CWF19L2: variants seen among roughly 807,000 people sequenced by gnomAD.
The protein encoded by CWF19L2 is CWF19 like cell cycle control factor 2.
Under a neutral mutation model 111.7 loss-of-function variants are expected in CWF19L2, and 98 were observed. That is an observed-to-expected ratio of 0.88 (90% CI 0.75 to 1.04). CWF19L2 has a LOEUF of 1.04. CWF19L2 is among the 50% of genes least tolerant of loss of function. The pLI, the probability that CWF19L2 is intolerant of heterozygous loss-of-function variation, is 0.00. For missense variants in CWF19L2, 1,101 were observed against 1,051.4 expected (o/e 1.05, Z -0.65); for synonymous variants, 351 against 342.9 (o/e 1.02, Z -0.26).
chr11:107,349,131 C>G (rs971317786), intron 13 of CWF19L2, 78 bp from the exon 14 acceptor site: 12 of 633,230 alleles, frequency 1.9e-5, no homozygotes, highest in Non-Finnish European at 2.8e-5. Context: ...GCTATTTATT[C>G]TCAGTTGTAA....
chr11:107,405,638 G>C (rs1861065771), intron 10 of CWF19L2, among the ~76,000 whole-genome samples: 1 of 152,086 alleles, frequency 6.6e-6, no homozygotes, highest in Non-Finnish European at 1.5e-5. Context: ...TTTAGACATT[G>C]ACCTCGAGAA....
intron 4 of CWF19L2, among the ~76,000 whole-genome samples, chr11:107,442,012 A>G (rs1861625247): frequency 6.6e-6 from 1 of 152,186 alleles, no homozygotes; most frequent in South Asian, 2.1e-4. Flanking sequence ...AAAATTTTTG[A>G]ACTATTCAAC....
intron 10 of CWF19L2, among the ~76,000 whole-genome samples, chr11:107,403,231 T>C (rs189105943): frequency 1.3e-5 from 2 of 151,388 alleles, no homozygotes; most frequent in African/African-American, 4.9e-5. Context: ...CAAATACCAC[T>C]GGTATAAAAA....
At chr11:107,448,070 G>A (rs1231628836) in intron 3 of CWF19L2, among the ~76,000 whole-genome samples, 1 of 152,082 alleles carries the variant, frequency 6.6e-6, no homozygotes, top group Non-Finnish European at 1.5e-5. Flanking sequence ...AGTCGGCCAG[G>A]CGCAGTGGCT....
intron 10 of CWF19L2, among the ~76,000 whole-genome samples, chr11:107,410,281 C>CA (rs1861138108): frequency 6.6e-6 from 1 of 150,564 alleles, no homozygotes; most frequent in African/African-American, 2.5e-5. Flanking sequence ...ACTCTGATTT[C>CA]TAAAAAAAAA....
At chr11:107,445,363 T>C (rs577935728) in intron 3 of CWF19L2, among the ~76,000 whole-genome samples, 1 of 152,214 alleles carries the variant, frequency 6.6e-6, no homozygotes, top group African/African-American at 2.4e-5. Flanking sequence ...CCCAACACTT[T>C]GGGAGGCCGA....
chr11:107,375,368 G>C lies in CWF19L2; in HGVS notation c.1872+14706C>G, dbSNP rs1310022289. Among the ~76,000 whole-genome samples, 214 of 134,590 alleles carry C rather than the reference G, an allele frequency of 1.6e-3. 11 individuals carry two copies. Among genetic ancestry groups the C allele is most frequent in the African/African-American group, 6.1e-3 (198 of 32,692 alleles). 88.3% of individuals were successfully genotyped at this position (134,590 alleles called of 152,430 possible). On this transcript the variant is annotated intron_variant, in intron 12 of 17. Coordinates refer to ENST00000282251, the MANE Select transcript of CWF19L2 (RefSeq NM_152434.3). Reference sequence around the variant, plus strand: ...TATTCCAAAATTGACCACATACTTGGAAGTAAAGCTCTCCTCAGCAAATGT... The same window carrying C: ...TATTCCAAAATTGACCACATACTTGCAAGTAAAGCTCTCCTCAGCAAATGT...
At chr11:107,338,900 A>T (rs1859966005) in intron 14 of CWF19L2, among the ~76,000 whole-genome samples, 1 of 152,160 alleles carries the variant, frequency 6.6e-6, no homozygotes, top group South Asian at 2.1e-4. Flanking sequence ...TATCTTTATA[A>T]CAGAATGAAT....
chr11:107,404,205 C>A, intron 10 of CWF19L2: 1 of 777,046 alleles, frequency 1.3e-6, no homozygotes. Flanking sequence ...GATAGACCTT[C>A]ATAAATTCAT....
intron 3 of CWF19L2, among the ~76,000 whole-genome samples, chr11:107,446,027 G>A (rs1191593358): frequency 6.6e-6 from 1 of 152,180 alleles, no homozygotes; most frequent in Non-Finnish European, 1.5e-5. Flanking sequence ...TGATGGAAAA[G>A]CAAGACAATA....
intron 12 of CWF19L2, among the ~76,000 whole-genome samples, chr11:107,380,046 CA>C (rs66699460): frequency 2.7e-3 from 93 of 34,468 alleles, no homozygotes; most frequent in Middle Eastern, 0.036. Context: ...GACACCGTCT[CA>C]AAAAAAAAAA....
At chr11:107,434,413 A>G (rs1448598788) in intron 6 of CWF19L2, among the ~76,000 whole-genome samples, 1 of 151,422 alleles carries the variant, frequency 6.6e-6, no homozygotes, top group Non-Finnish European at 1.5e-5. Flanking sequence ...ATATGTGTAA[A>G]GAGGAAATCA....
rs201365759 is a variant in CWF19L2 at position 107,412,219 on chromosome 11, T to A, written c.1617+3990A>T. On this transcript the variant is annotated intron_variant, in intron 10 of 17. Coordinates refer to ENST00000282251, the MANE Select transcript of CWF19L2 (RefSeq NM_152434.3). ...AGGTGGTAACAAGTGTACACATATA[T>A]ATAATTTGAAAAGATACATGCCATA... is the stretch of plus-strand genomic sequence containing the variant. Among the ~76,000 whole-genome samples the A allele has an allele frequency of 1.1e-4, 16 of 152,288 alleles. No individual in the cohort carries two copies. The East Asian group carries it at 3.1e-3, about 29-fold the overall frequency.
chr11:107,380,841 G>A (rs1860675203), intron 12 of CWF19L2, among the ~76,000 whole-genome samples: 1 of 152,154 alleles, frequency 6.6e-6, no homozygotes, highest in African/African-American at 2.4e-5. Flanking sequence ...AATGAATGGA[G>A]TTTTTAAATG....
intron 12 of CWF19L2, among the ~76,000 whole-genome samples, chr11:107,357,695 C>G (rs12272489): frequency 0.015 from 2,344 of 152,270 alleles, 57 homozygotes; most frequent in African/African-American, 0.053. Flanking sequence ...CTCCTGCAGC[C>G]TCAAATTATT....
chr11:107,421,383 C>CA (rs1299735539), intron 8 of CWF19L2, among the ~76,000 whole-genome samples: 2 of 151,474 alleles, frequency 1.3e-5, no homozygotes, highest in Admixed American at 6.6e-5. Context: ...TTAAAAAATT[C>CA]AAAAAACAAT....
intron 1 of CWF19L2, 78 bp downstream of exon 1, chr11:107,457,634 G>A (rs1486188170): frequency 9.8e-6 from 10 of 1,018,046 alleles, no homozygotes; most frequent in Non-Finnish European, 1.4e-5. Context: ...GGTAAGGGAA[G>A]GGGTGAGTGG....
At position 107,326,578 on chromosome 11, in the gene CWF19L2, G is replaced by C. The variant is rs1859763792; in HGVS notation, c.*332C>G. 1 of 188,486 alleles carries C rather than the reference G, an allele frequency of 5.3e-6. No homozygotes were observed. The highest frequency in any genetic ancestry group is 6.1e-5 in the Admixed American group (1 of 16,384). 11.7% of individuals were successfully genotyped at this position (188,486 alleles called of 1,614,324 possible). A position where few individuals can be genotyped will look rare whatever the true frequency, so the allele number is the denominator to read the frequency against. On this transcript the variant is annotated 3_prime_UTR_variant, in exon 18 of 18. Coordinates refer to ENST00000282251, the MANE Select transcript of CWF19L2 (RefSeq NM_152434.3). Reference sequence around the variant, plus strand: ...CAGACCCACTTCCCTCTGAACCAAGGATTTCCTATGCTTTTTAGATATCCC... The same window carrying C: ...CAGACCCACTTCCCTCTGAACCAAGCATTTCCTATGCTTTTTAGATATCCC...
intron 12 of CWF19L2, among the ~76,000 whole-genome samples, chr11:107,375,297 C>T (rs1860581868): frequency 2.2e-5 from 3 of 135,446 alleles, no homozygotes; most frequent in Non-Finnish European, 4.7e-5. Flanking sequence ...GAACTCTCCA[C>T]CCCAAATCAA....
Sources: gnomAD v4.1 joint callset for allele counts (sites outside exome capture counted in the v4.1 genomes callset) on GRCh38, gnomAD v4.1.1 for gene constraint, MANE v1.5 for transcripts, NCBI Gene and HGNC (gene_info 2026-07-23, HGNC 2026-07-21) for gene names.